The following DLC1 variants were observed in gnomAD, a reference collection of about 807,000 sequenced individuals.
The protein encoded by DLC1 is rho GTPase-activating protein 7.
Under a neutral mutation model 140.3 loss-of-function variants are expected in DLC1, and 54 were observed. That is an observed-to-expected ratio of 0.38 (90% CI 0.31 to 0.48). The LOEUF (loss-of-function observed/expected upper bound fraction) is 0.48. Among genes scored for constraint, DLC1 ranks in the 20% least tolerant of loss-of-function variants. The pLI is 0.96. For missense variants in DLC1, 2,536 were observed against 1,907.0 expected (o/e 1.33, Z -6.14); for synonymous variants, 986 against 728.1 (o/e 1.35, Z -5.70).
intron 2 of DLC1, among the ~76,000 whole-genome samples, chr8:13,424,051 T>G (rs1020014462): frequency 6.6e-6 from 1 of 152,232 alleles, no homozygotes; most frequent in Non-Finnish European, 1.5e-5. Context: ...GTCTTTATTC[T>G]ATTTAATGGA....
intron 2 of DLC1, among the ~76,000 whole-genome samples, chr8:13,434,543 A>C (rs1839030493): frequency 6.6e-6 from 1 of 152,096 alleles, no homozygotes. Context: ...AGGCACAAAG[A>C]AGGATTTGGC....
At chr8:13,088,771 G>C in intron 15 of DLC1, 67 bp from the exon 16 acceptor site, 2 of 1,431,682 alleles carry the variant, frequency 1.4e-6, no homozygotes, top group Non-Finnish European at 1.9e-6. Flanking sequence ...AAGTCGAATT[G>C]TTAGTTAGAC....
chr8:13,221,243 A>C (rs545996026), intron 5 of DLC1, among the ~76,000 whole-genome samples: 6 of 152,320 alleles, frequency 3.9e-5, no homozygotes, highest in African/African-American at 1.4e-4. Flanking sequence ...ATGATTACGC[A>C]GACAGCACAC....
chr8:13,309,491 A>G (rs1424830096), intron 4 of DLC1, among the ~76,000 whole-genome samples: 1 of 152,226 alleles, frequency 6.6e-6, no homozygotes, highest in Non-Finnish European at 1.5e-5. Flanking sequence ...ATTTTTAAAA[A>G]GCTATTTAAG....
intron 1 of DLC1, among the ~76,000 whole-genome samples, chr8:13,520,325 G>A (rs971257499): frequency 1.3e-5 from 2 of 152,192 alleles, no homozygotes. Flanking sequence ...CCTTTGCAGG[G>A]ACATGGATGA....
chr8:13,175,191 G>T (rs1021703694), intron 5 of DLC1, among the ~76,000 whole-genome samples: 16 of 151,900 alleles, frequency 1.1e-4, no homozygotes, highest in African/African-American at 3.1e-4. Flanking sequence ...TTTATTTCTG[G>T]GTTCTCTATT....
At chr8:13,326,088 G>A (rs1462052232) in intron 4 of DLC1, among the ~76,000 whole-genome samples, 1 of 152,158 alleles carries the variant, frequency 6.6e-6, no homozygotes, top group Non-Finnish European at 1.5e-5. Context: ...TTCACTCTAT[G>A]ATGTCTGCAC....
intron 4 of DLC1, among the ~76,000 whole-genome samples, chr8:13,315,996 A>G (rs1045585891): frequency 1.3e-5 from 2 of 152,226 alleles, no homozygotes. Flanking sequence ...AATCTGAAAG[A>G]CTACTAAGTG....
chr8:13,284,291 C>G (rs1362453699), intron 5 of DLC1, among the ~76,000 whole-genome samples: 5 of 152,158 alleles, frequency 3.3e-5, no homozygotes, highest in Admixed American at 2.0e-4. Flanking sequence ...CTTTGGGAGG[C>G]CAAGGCGAGT....
chr8:13,552,836 G>T (rs961530119), intron 1 of DLC1, among the ~76,000 whole-genome samples: 5 of 151,810 alleles, frequency 3.3e-5, no homozygotes, highest in African/African-American at 1.2e-4. Flanking sequence ...AAGTCTAAGT[G>T]AAAGAAAATG....
At chr8:13,442,875 A>G (rs1798586799) in intron 2 of DLC1, among the ~76,000 whole-genome samples, 1 of 152,206 alleles carries the variant, frequency 6.6e-6, no homozygotes, top group African/African-American at 2.4e-5. Context: ...AAGGATTATA[A>G]ATCATGCTGC....
At chr8:13,324,389 A>G (rs1223030797) in intron 4 of DLC1, among the ~76,000 whole-genome samples, 1 of 37,368 alleles carries the variant, frequency 2.7e-5, no homozygotes, top group African/African-American at 5.8e-5. Context: ...TAATACGGTG[A>G]AACCCTGTCT....
At chr8:13,405,597 G>A (rs1438216730) in intron 2 of DLC1, among the ~76,000 whole-genome samples, 5 of 152,140 alleles carry the variant, frequency 3.3e-5, no homozygotes, top group South Asian at 4.2e-4. Flanking sequence ...GTTAGCTTTC[G>A]AGTTCTACAT....
rs1826705737 is a variant in DLC1 at position 13,190,782 on chromosome 8, GA to G, written c.1349-75126del. ...AGTGGAAGGGTGGCACAGGGGACAAGAACCAAGCAGGGTTAGAGTGATGCTG... is the reference window on the plus strand; with the variant it reads ...AGTGGAAGGGTGGCACAGGGGACAAGACCAAGCAGGGTTAGAGTGATGCTG... On this transcript the variant is annotated intron_variant, in intron 5 of 17. Coordinates refer to ENST00000276297, the MANE Select transcript of DLC1 (RefSeq NM_182643.3). Among the ~76,000 whole-genome samples, 4 of 152,220 alleles carry G rather than the reference GA, an allele frequency of 2.6e-5. No homozygotes were observed. In the East Asian group the frequency reaches 7.8e-4, roughly 30 times the overall value.
chr8:13,484,777 GA>G (rs1800889737), intron 2 of DLC1, among the ~76,000 whole-genome samples: 1 of 151,836 alleles, frequency 6.6e-6, no homozygotes, highest in Admixed American at 6.6e-5. Context: ...ACAGTCCCTG[GA>G]GGCCATCTGT....
chr8:13,520,470 T>TAGGG (rs1193665113), intron 1 of DLC1, among the ~76,000 whole-genome samples: 1 of 151,644 alleles, frequency 6.6e-6, no homozygotes, highest in Non-Finnish European at 1.5e-5. Context: ...CTGGAGCCTG[T>TAGGG]AGGGGGTTGG....
intron 5 of DLC1, among the ~76,000 whole-genome samples, chr8:13,194,735 T>C (rs1174287577): frequency 6.6e-6 from 1 of 152,200 alleles, no homozygotes; most frequent in Non-Finnish European, 1.5e-5. Context: ...AGGCTGGGCA[T>C]GGAGGCTCAT....
chr8:13,500,098 G>A lies in DLC1; in HGVS notation c.-27C>T. The A allele has an allele frequency of 6.3e-7, 1 of 1,584,024 alleles. No individual in the cohort carries two copies. The highest frequency in any genetic ancestry group is 2.2e-5 in the East Asian group (1 of 44,686). On this transcript the variant is annotated 5_prime_UTR_variant, in exon 2 of 18. Coordinates refer to ENST00000276297, the MANE Select transcript of DLC1 (RefSeq NM_182643.3). ...TCATCGTAGTTTAACAACAGACAGA[G>A]AGATATATTCCATATGAGGGTAAAG...
intron 1 of DLC1, among the ~76,000 whole-genome samples, chr8:13,529,047 C>G (rs1273774914): frequency 6.6e-6 from 1 of 152,158 alleles, no homozygotes; most frequent in Admixed American, 6.6e-5. Flanking sequence ...ACAACAGTGA[C>G]ATTTATTACT....
Sources: gnomAD v4.1 joint callset for allele counts (sites outside exome capture counted in the v4.1 genomes callset) on GRCh38, gnomAD v4.1.1 for gene constraint, MANE v1.5 for transcripts, NCBI Gene and HGNC (gene_info 2026-07-23, HGNC 2026-07-21) for gene names.